CDC14B: variants seen among roughly 807,000 people sequenced by gnomAD.
The protein encoded by CDC14B is cell division cycle 14B.
CDC14B carries 22 observed loss-of-function variants against 64.2 expected under a neutral mutation model. That is an observed-to-expected ratio of 0.34 (90% CI 0.24 to 0.49). The LOEUF is 0.49. Ranked by LOEUF, CDC14B falls within the 20% of genes least tolerant of loss-of-function variation. The pLI, the probability that CDC14B is intolerant of heterozygous loss-of-function variation, is 0.99. For synonymous variants in CDC14B, 191 were observed against 215.8 expected (o/e 0.89, Z 1.01); for missense variants, 498 against 629.9 (o/e 0.79, Z 2.24).
At chr9:96,547,005 T>G (rs1841012662) in intron 5 of CDC14B, among the ~76,000 whole-genome samples, 2 of 151,648 alleles carry the variant, frequency 1.3e-5, no homozygotes, top group Admixed American at 1.3e-4. Flanking sequence ...GAGCTTGCCG[T>G]GAGCCAAGAT....
At chr9:96,604,296 C>T (rs1846706550) in intron 1 of CDC14B, among the ~76,000 whole-genome samples, 1 of 151,484 alleles carries the variant, frequency 6.6e-6, no homozygotes, top group South Asian at 2.1e-4. Flanking sequence ...TTATCTTTAC[C>T]TGGTTTCCTT....
intron 5 of CDC14B, among the ~76,000 whole-genome samples, chr9:96,543,315 CAG>C (rs1023585316): frequency 6.6e-6 from 1 of 151,060 alleles, no homozygotes; most frequent in African/African-American, 2.4e-5. Flanking sequence ...GCCTGGGTGA[CAG>C]AGCGAGACTC....
intron 1 of CDC14B, among the ~76,000 whole-genome samples, chr9:96,608,867 CCT>C (rs1417779720): frequency 2.0e-5 from 3 of 148,002 alleles, no homozygotes; most frequent in Non-Finnish European, 3.0e-5. Context: ...GACACTATTC[CCT>C]GTTGTTTAAA....
rs138562069 is a variant in CDC14B at position 96,536,776 on chromosome 9, C to G, written c.628-2234G>C. 3.7e-3 allele frequency among the ~76,000 whole-genome samples: 556 copies of G among 152,316 alleles called. 5 individuals carry two copies. The highest frequency in any genetic ancestry group is 0.013 in the African/African-American group (542 of 41,548). On this transcript the variant is annotated intron_variant, in intron 7 of 13. Coordinates refer to ENST00000375241, the MANE Select transcript of CDC14B (RefSeq NM_033331.4). Reference sequence around the variant, plus strand: ...TCCCCAGTGCTGGGGAGCAAGTCTGCTCAAGGTAACTACAGCAGGGTAAGA... The same window carrying G: ...TCCCCAGTGCTGGGGAGCAAGTCTGGTCAAGGTAACTACAGCAGGGTAAGA...
intron 4 of CDC14B, among the ~76,000 whole-genome samples, chr9:96,561,000 G>A (rs944547777): frequency 2.6e-5 from 4 of 151,916 alleles, no homozygotes; most frequent in Non-Finnish European, 4.4e-5. Flanking sequence ...GCAGTGGCAC[G>A]ATCTCAGCTC....
intron 1 of CDC14B, among the ~76,000 whole-genome samples, chr9:96,595,569 G>C (rs923160477): frequency 2.0e-5 from 3 of 152,126 alleles, no homozygotes; most frequent in Non-Finnish European, 4.4e-5. Flanking sequence ...GAAACAACTT[G>C]AATGTGCATC....
chr9:96,512,593 G>A (rs1204346304), intron 12 of CDC14B, among the ~76,000 whole-genome samples: 8 of 151,784 alleles, frequency 5.3e-5, no homozygotes, highest in Admixed American at 5.2e-4. Context: ...CAAAGTGTTG[G>A]GATTTATAGG....
intron 12 of CDC14B, among the ~76,000 whole-genome samples, chr9:96,512,607 G>T (rs1835067284): frequency 6.6e-6 from 1 of 152,156 alleles, no homozygotes; most frequent in Non-Finnish European, 1.5e-5. Context: ...TTATAGGCAT[G>T]AGCCAGTCTG....
chr9:96,532,382 T>C (rs2131694063), intron 9 of CDC14B, among the ~76,000 whole-genome samples: 1 of 152,346 alleles, frequency 6.6e-6, no homozygotes, highest in Admixed American at 6.5e-5. Flanking sequence ...CTGTATGTGG[T>C]AGGTCACTTC....
chr9:96,513,703 T>C (rs924514112), intron 12 of CDC14B, among the ~76,000 whole-genome samples: 3 of 152,230 alleles, frequency 2.0e-5, no homozygotes, highest in East Asian at 1.9e-4. Context: ...CTATGCACTA[T>C]GTATACTGGC....
chr9:96,530,296 GT>G (rs59113647), intron 9 of CDC14B, among the ~76,000 whole-genome samples: 7,251 of 142,238 alleles, frequency 0.051, 558 homozygotes, highest in African/African-American at 0.17. Context: ...TTCTCTCTCT[GT>G]TTTTTTTTTT....
intron 1 of CDC14B, among the ~76,000 whole-genome samples, chr9:96,570,679 C>T (rs941337053): frequency 6.6e-6 from 1 of 152,156 alleles, no homozygotes; most frequent in Non-Finnish European, 1.5e-5. Flanking sequence ...AACAAAGAAG[C>T]GGCAGCAGCA....
chr9:96,558,781 T>C (rs10114579), intron 4 of CDC14B, among the ~76,000 whole-genome samples: 1 of 152,196 alleles, frequency 6.6e-6, no homozygotes, highest in Admixed American at 6.5e-5. Context: ...CTGGCTTAAA[T>C]AGGGCAGCAA....
At chr9:96,616,320 G>T (rs151022504) in intron 1 of CDC14B, among the ~76,000 whole-genome samples, 4 of 151,510 alleles carry the variant, frequency 2.6e-5, no homozygotes, top group African/African-American at 9.7e-5. Context: ...GCAAGACTCC[G>T]TCTCAAAAAA....
intron 8 of CDC14B, 124 bp downstream of exon 8, chr9:96,534,331 A>G: frequency 1.3e-6 from 1 of 792,312 alleles, no homozygotes; most frequent in Non-Finnish European, 2.1e-6. Context: ...TGATCTACTG[A>G]AGTGACCAAG....
chr9:96,568,573 C>G (rs1386621847), intron 1 of CDC14B, among the ~76,000 whole-genome samples: 1 of 152,160 alleles, frequency 6.6e-6, no homozygotes, highest in African/African-American at 2.4e-5. Context: ...ACTGGGCCAC[C>G]TCCATGGAGC....
intron 1 of CDC14B, chr9:96,618,638 G>T (rs376977395): frequency 5.7e-6 from 3 of 527,444 alleles, no homozygotes; most frequent in African/African-American, 1.9e-5. Context: ...TTCGGGGGGC[G>T]CGCTAGGGGG....
chr9:96,534,513 T>C lies in CDC14B; in HGVS notation c.657A>G (p.Ile219Met). 1 of 1,613,510 alleles carries C rather than the reference T, an allele frequency of 6.2e-7. No homozygotes were observed. The highest frequency in any genetic ancestry group is 2.2e-5 in the East Asian group (1 of 44,860). ...EKAENGDLNW[I>M]IPDRFIAFCG... Reference sequence around the variant, plus strand: ...AGAAGGCAATAAATCGGTCTGGTATTATCCAATTTAAATCTCCATTTTCTG... The same window carrying C: ...AGAAGGCAATAAATCGGTCTGGTATCATCCAATTTAAATCTCCATTTTCTG... The change falls in exon 8 of 14, where the codon ATA becomes ATG. Residue 219 changes from isoleucine (I) to methionine (M), a missense_variant. Transcript: ENST00000375241.
At chr9:96,571,170 GAA>G (rs200946990) in intron 1 of CDC14B, among the ~76,000 whole-genome samples, 2 of 147,898 alleles carry the variant, frequency 1.4e-5, no homozygotes, top group African/African-American at 5.2e-5. Context: ...AAATTATAAC[GAA>G]AAAAAAATTT....
Sources: gnomAD v4.1 joint callset for allele counts (sites outside exome capture counted in the v4.1 genomes callset) on GRCh38, gnomAD v4.1.1 for gene constraint, MANE v1.5 for transcripts, NCBI Gene and HGNC (gene_info 2026-07-23, HGNC 2026-07-21) for gene names.